The following DLGAP2 variants were observed in gnomAD, a reference collection of about 807,000 sequenced individuals.
DLGAP2 encodes DLG associated protein 2, also known as disks large-associated protein 2.
DLGAP2 carries 26 observed loss-of-function variants against 100.3 expected under a neutral mutation model. That is an observed-to-expected ratio of 0.26 (90% CI 0.19 to 0.36). The LOEUF is 0.36. Among genes scored for constraint, DLGAP2 ranks in the 10% least tolerant of loss-of-function variants. DLGAP2 has a pLI of 1.00. For missense variants in DLGAP2, 1,858 were observed against 1,453.2 expected (o/e 1.28, Z -4.53); for synonymous variants, 886 against 630.1 (o/e 1.41, Z -6.08).
chr8:1,257,285 A>C (rs1277378600), intron 2 of DLGAP2, among the ~76,000 whole-genome samples: 1 of 151,762 alleles, frequency 6.6e-6, no homozygotes, highest in Admixed American at 6.6e-5. Flanking sequence ...CACCAAGGTC[A>C]CCTTCCGAAG....
At chr8:757,784 A>AT (rs1370384384) in intron 1 of DLGAP2, among the ~76,000 whole-genome samples, 3 of 152,194 alleles carry the variant, frequency 2.0e-5, no homozygotes, top group African/African-American at 7.2e-5. Context: ...GCTGTATCCA[A>AT]TTCCCTGGTG....
chr8:1,634,952 A>T (rs1797733543), intron 8 of DLGAP2, among the ~76,000 whole-genome samples: 1 of 152,230 alleles, frequency 6.6e-6, no homozygotes, highest in South Asian at 2.1e-4. Context: ...TTTCTACCGG[A>T]TCTTGGCCCA....
At chr8:1,650,495 C>G (rs145313434) in intron 8 of DLGAP2, among the ~76,000 whole-genome samples, 4 of 152,324 alleles carry the variant, frequency 2.6e-5, no homozygotes, top group South Asian at 2.1e-4. Flanking sequence ...TGCGATAAAA[C>G]GGAGGTTTTA....
rs755492621 is a variant in DLGAP2 at position 1,549,405 on chromosome 8, C to T, written c.952C>T (p.His318Tyr). ...TYRTPSVLNR[H>Y]HLGPVAHCYP... ...TCGGACGCCCAGCGTGCTCAACCGG[C>T]ACCACCTGGGCCCCGTGGCCCACTG... is the stretch of plus-strand genomic sequence containing the variant. Residue 318 changes from histidine (H) to tyrosine (Y), a missense_variant, in exon 5 of 15, where the codon CAC becomes TAC. His to Tyr is a moderately conservative substitution (Grantham distance 83). Transcript: ENST00000637795. The T allele has an allele frequency of 2.5e-6, 4 of 1,613,348 alleles. No homozygotes were observed. The African/African-American group carries it at 4.0e-5, about 16-fold the overall frequency.
intron 2 of DLGAP2, among the ~76,000 whole-genome samples, chr8:1,004,061 C>T (rs1429774091): frequency 6.6e-6 from 1 of 152,096 alleles, no homozygotes; most frequent in African/African-American, 2.4e-5. Flanking sequence ...CATGTTAGGA[C>T]AGAAGTGACA....
At chr8:854,903 G>A (rs965792553) in intron 1 of DLGAP2, among the ~76,000 whole-genome samples, 12 of 152,216 alleles carry the variant, frequency 7.9e-5, no homozygotes, top group Admixed American at 2.0e-4. Context: ...AGTGAGGAAC[G>A]GCATGCCCGG....
At chr8:1,428,928 A>G (rs973677232) in intron 3 of DLGAP2, among the ~76,000 whole-genome samples, 6 of 152,316 alleles carry the variant, frequency 3.9e-5, no homozygotes, top group South Asian at 2.1e-4. Context: ...AGGGTGAGCC[A>G]TCCTTGTTTT....
In DLGAP2 at chr8:763,852, C is replaced by G. The variant is rs116119945; in HGVS notation, c.18+26027C>G. On this transcript the variant is annotated intron_variant, in intron 1 of 14. Transcript: ENST00000637795. ...AATAGAAAATCCTTCTAACTGCAGT[C>G]TTGACTCATAGCTGATGATTTCCTT... is the stretch of plus-strand genomic sequence containing the variant. Among the ~76,000 whole-genome samples, 311 of 152,316 alleles carry G rather than the reference C, an allele frequency of 2.0e-3. 1 individual carries two copies. The highest frequency in any genetic ancestry group is 7.2e-3 in the African/African-American group (299 of 41,578).
chr8:1,420,636 C>A (rs1797064671), intron 3 of DLGAP2, among the ~76,000 whole-genome samples: 2 of 152,162 alleles, frequency 1.3e-5, no homozygotes, highest in Admixed American at 6.5e-5. Flanking sequence ...TTCACACTGT[C>A]AGGACCCAAT....
rs183191005 is a variant in DLGAP2, at chr8:1,628,373, C to T, written c.1590+1486C>T. On this transcript the variant is annotated intron_variant, in intron 7 of 14. Transcript: ENST00000637795. ...AGCAGGGATTAAGAGCTTGAGCCAA[C>T]CTCACATTCTCTCTGACTTACTGTG... is the stretch of plus-strand genomic sequence containing the variant. Among the ~76,000 whole-genome samples the T allele has an allele frequency of 7.2e-4, 100 of 139,572 alleles. 1 individual carries two copies. The highest frequency in any genetic ancestry group is 2.8e-3 in the African/African-American group (93 of 33,528). The allele number at this position is 139,572 out of a possible 152,430, so 91.6% of individuals were successfully genotyped here. A position where few individuals can be genotyped will look rare whatever the true frequency, so the allele number is the denominator to read the frequency against.
At chr8:977,833 GCGTCGGGGATGCAGTGAGGGGC>G (rs1800210209) in intron 2 of DLGAP2, among the ~76,000 whole-genome samples, 2 of 54,664 alleles carry the variant, frequency 3.7e-5, no homozygotes, top group East Asian at 3.8e-4. Flanking sequence ...TGTGGGGAGG[GCGTCGGGGATGCAGTGAGGGGC>G]TGCGTTCTGG....
intron 2 of DLGAP2, among the ~76,000 whole-genome samples, chr8:1,049,249 G>A (rs572340464): frequency 6.6e-6 from 1 of 152,276 alleles, no homozygotes; most frequent in South Asian, 2.1e-4. Flanking sequence ...TATGCAAACG[G>A]GGGAAATGTA....
At chr8:1,255,968 ATCCTGCGTGGGTGCTGTGTGTGTCCTC>A (rs1799198321) in intron 2 of DLGAP2, among the ~76,000 whole-genome samples, 1 of 65,082 alleles carries the variant, frequency 1.5e-5, no homozygotes, top group South Asian at 5.5e-4. Flanking sequence ...GTGCCCTCTC[ATCCTGCGTGGGTGCTGTGTGTGTCCTC>A]TCCTGCCTGG....
chr8:1,090,844 T>C (rs939407586), intron 2 of DLGAP2, among the ~76,000 whole-genome samples: 2 of 152,260 alleles, frequency 1.3e-5, no homozygotes, highest in African/African-American at 4.8e-5. Flanking sequence ...ATGGAGATTT[T>C]GTCCAAAAGT....
intron 2 of DLGAP2, among the ~76,000 whole-genome samples, chr8:1,224,185 A>G (rs557239359): frequency 1.1e-4 from 16 of 152,194 alleles, no homozygotes; most frequent in Non-Finnish European, 2.1e-4. Flanking sequence ...AATGACAGAT[A>G]ATGAAAATAT....
chr8:1,493,555 C>T (rs1243614015), intron 3 of DLGAP2, among the ~76,000 whole-genome samples: 1 of 152,206 alleles, frequency 6.6e-6, no homozygotes, highest in East Asian at 1.9e-4. Flanking sequence ...TGTGTGGGAG[C>T]CGCGAGGGTC....
In DLGAP2 at chr8:1,417,867, A is replaced by C. The variant is rs182666947; in HGVS notation, c.107-83499A>C. Among the ~76,000 whole-genome samples, 6 of 152,362 alleles carry C rather than the reference A, an allele frequency of 3.9e-5. No individual in the cohort carries two copies. In the East Asian group the frequency reaches 1.2e-3, roughly 29 times the overall value. ...CTCATCTTTATTGGCGGGAATTCAG[A>C]GTTCACAACACAAAAGTGCAGTTCC... is the stretch of plus-strand genomic sequence containing the variant. On this transcript the variant is annotated intron_variant, in intron 3 of 14. Transcript: ENST00000637795.
chr8:1,099,025 C>T (rs997837573), intron 2 of DLGAP2, among the ~76,000 whole-genome samples: 1 of 152,202 alleles, frequency 6.6e-6, no homozygotes, highest in Non-Finnish European at 1.5e-5. Context: ...TGGCTCACTC[C>T]TCTGGGGCTA....
intron 2 of DLGAP2, among the ~76,000 whole-genome samples, chr8:1,041,058 G>C (rs992325562): frequency 6.6e-6 from 1 of 152,190 alleles, no homozygotes; most frequent in Non-Finnish European, 1.5e-5. Context: ...TTTTAATTGA[G>C]TTACCAGAAA....
Sources: allele counts gnomAD v4.1 joint callset (sites outside exome capture counted in the v4.1 genomes callset), GRCh38; gene constraint gnomAD v4.1.1; transcripts MANE v1.5; gene names NCBI Gene and HGNC (gene_info 2026-07-23, HGNC 2026-07-21).